KDM4C: variants seen among roughly 807,000 people sequenced by gnomAD.
KDM4C encodes lysine-specific demethylase 4C.
Under a neutral mutation model 129.3 loss-of-function variants are expected in KDM4C, and 81 were observed. That is an observed-to-expected ratio of 0.63 (90% CI 0.52 to 0.75). The LOEUF (loss-of-function observed/expected upper bound fraction) is 0.75, where lower values mean the gene tolerates loss of function less well. Among genes scored for constraint, KDM4C ranks in the 30% least tolerant of loss-of-function variants. The probability of loss-of-function intolerance (pLI) is 0.00; values close to 1 mark genes in which losing one functional copy is unlikely to be tolerated. For missense variants in KDM4C, 1,457 were observed against 1,304.0 expected (o/e 1.12, Z -1.81); for synonymous variants, 573 against 456.1 (o/e 1.26, Z -3.26).
intron 8 of KDM4C, chr9:6,924,618 A>T (rs936639010): frequency 1.1e-5 from 4 of 365,194 alleles, no homozygotes; most frequent in African/African-American, 4.4e-5. Flanking sequence ...GCCCACGCCA[A>T]TTCAGTCCCT....
chr9:6,883,907 C>T (rs1322919293), intron 6 of KDM4C, among the ~76,000 whole-genome samples: 1 of 151,994 alleles, frequency 6.6e-6, no homozygotes, highest in African/African-American at 2.4e-5. Flanking sequence ...ATTAAGTGGT[C>T]TCAGGAATGC....
At chr9:7,003,684 T>G (rs1821141750) in intron 12 of KDM4C, among the ~76,000 whole-genome samples, 1 of 152,342 alleles carries the variant, frequency 6.6e-6, no homozygotes, top group East Asian at 1.9e-4. Context: ...ATGCAGAATT[T>G]GATTTTTCCT....
intron 8 of KDM4C, among the ~76,000 whole-genome samples, chr9:6,953,213 T>C (rs1828491438): frequency 6.6e-6 from 1 of 152,232 alleles, no homozygotes; most frequent in African/African-American, 2.4e-5. Flanking sequence ...CATCTCCCTT[T>C]CACTCAAACA....
chr9:6,806,326 C>G (rs890116710), intron 3 of KDM4C, among the ~76,000 whole-genome samples: 9 of 151,950 alleles, frequency 5.9e-5, no homozygotes, highest in Non-Finnish European at 7.4e-5. Flanking sequence ...GAAACCTTGT[C>G]TCCACTAAAA....
chr9:6,806,605 C>T (rs541494130), intron 3 of KDM4C, among the ~76,000 whole-genome samples: 1 of 152,112 alleles, frequency 6.6e-6, no homozygotes, highest in South Asian at 2.1e-4. Context: ...TCAGATTCTG[C>T]CTCAGGGTCT....
At chr9:7,042,691 C>T (rs1403590062) in intron 15 of KDM4C, among the ~76,000 whole-genome samples, 1 of 152,054 alleles carries the variant, frequency 6.6e-6, no homozygotes, top group Non-Finnish European at 1.5e-5. Context: ...CTTCACAGGG[C>T]AGGCATTGCT....
intron 4 of KDM4C, among the ~76,000 whole-genome samples, chr9:6,847,985 G>C (rs1354308153): frequency 3.3e-5 from 5 of 152,198 alleles, no homozygotes; most frequent in African/African-American, 1.2e-4. Context: ...GTTAGAAGTG[G>C]TTGTATGTGA....
intron 3 of KDM4C, among the ~76,000 whole-genome samples, chr9:6,806,966 C>A (rs1237929367): frequency 4.0e-5 from 6 of 151,840 alleles, no homozygotes; most frequent in Admixed American, 2.6e-4. Flanking sequence ...CTGGACTGTA[C>A]TGCTGCCATC....
chr9:6,938,074 A>G (rs954893610), intron 8 of KDM4C, among the ~76,000 whole-genome samples: 1 of 152,198 alleles, frequency 6.6e-6, no homozygotes, highest in Non-Finnish European at 1.5e-5. Context: ...AATTGCTAAC[A>G]TATATCACAT....
chr9:6,770,134 G>T (rs1430933387), intron 1 of KDM4C, among the ~76,000 whole-genome samples: 1 of 151,688 alleles, frequency 6.6e-6, no homozygotes, highest in Non-Finnish European at 1.5e-5. Context: ...AGCTGAGATT[G>T]TGCCATTGCA....
At chr9:6,999,300 A>G (rs557218073) in intron 12 of KDM4C, among the ~76,000 whole-genome samples, 1 of 152,372 alleles carries the variant, frequency 6.6e-6, no homozygotes, top group East Asian at 1.9e-4. Flanking sequence ...TGTTGACCAA[A>G]TATAATGATG....
At chr9:7,137,642 G>A (rs1045232286) in intron 19 of KDM4C, among the ~76,000 whole-genome samples, 3 of 152,220 alleles carry the variant, frequency 2.0e-5, no homozygotes. Flanking sequence ...CTTTCCTGTA[G>A]CGCATTTGTA....
At chr9:6,865,275 TG>T (rs1841747067) in intron 5 of KDM4C, among the ~76,000 whole-genome samples, 1 of 152,202 alleles carries the variant, frequency 6.6e-6, no homozygotes, top group Non-Finnish European at 1.5e-5. Context: ...CCCAAAGTTT[TG>T]GGATTACAAG....
intron 5 of KDM4C, among the ~76,000 whole-genome samples, chr9:6,876,587 C>T (rs758835043): frequency 1.3e-5 from 2 of 152,178 alleles, no homozygotes; most frequent in East Asian, 3.8e-4. Context: ...TCTCTCTTCT[C>T]ATGGCATGCT....
At chr9:7,022,315 C>G (rs1218174708) in intron 15 of KDM4C, among the ~76,000 whole-genome samples, 2 of 151,796 alleles carry the variant, frequency 1.3e-5, no homozygotes, top group South Asian at 2.1e-4. Context: ...TTTTTGTTTC[C>G]TCTTCAATTT....
chr9:6,997,466 A>G (rs1454529534), intron 12 of KDM4C, among the ~76,000 whole-genome samples: 2 of 152,228 alleles, frequency 1.3e-5, no homozygotes, highest in Non-Finnish European at 2.9e-5. Flanking sequence ...ATGATAGAAG[A>G]GAAAGTTATT....
rs187566473 is a variant in KDM4C, at chr9:6,733,822, T to G, written c.49+12825T>G. On this transcript the variant is annotated intron_variant, in intron 1 of 17. Coordinates refer to the KDM4C transcript ENST00000536108. Reference sequence around the variant, plus strand: ...ATGGTATGCTAAACAAGGGGTGTATTATTCATGCCTCCCCTTTTTAGACCA... The same window carrying G: ...ATGGTATGCTAAACAAGGGGTGTATGATTCATGCCTCCCCTTTTTAGACCA... Among the ~76,000 whole-genome samples the G allele has an allele frequency of 1.8e-3, 273 of 152,324 alleles. 1 individual carries two copies. The highest frequency in any genetic ancestry group is 6.3e-3 in the African/African-American group (262 of 41,566).
At chr9:6,878,586 G>A (rs1843939311) in intron 5 of KDM4C, among the ~76,000 whole-genome samples, 1 of 152,128 alleles carries the variant, frequency 6.6e-6, no homozygotes, top group African/African-American at 2.4e-5. Flanking sequence ...CTGCAGATAA[G>A]GATAGCTAAA....
Position 6,758,317 on chromosome 9 carries a change from C to A in KDM4C, c.-18+114C>A. The A allele has an allele frequency of 1.7e-6, 1 of 580,990 alleles. No individual in the cohort carries two copies. Among genetic ancestry groups the A allele is most frequent in the Non-Finnish European group, 2.2e-6 (1 of 460,430 alleles). The allele number at this position is 580,990 out of a possible 1,614,324, so 36.0% of individuals were successfully genotyped here. On this transcript the variant is annotated intron_variant, in intron 1 of 21. Coordinates refer to ENST00000381309, the MANE Select transcript of KDM4C (RefSeq NM_015061.6). This position sits in a 1 kb window ranked among gnomAD's most constrained non-coding sequence, Gnocchi z 4.6. ...GGGGTGCGGGCGTCCGGGCGAGCGGCGACGCTGGGGCAGAGACGCTCCGTC... is the reference window on the plus strand; with the variant it reads ...GGGGTGCGGGCGTCCGGGCGAGCGGAGACGCTGGGGCAGAGACGCTCCGTC...
Sources: allele counts gnomAD v4.1 joint callset (sites outside exome capture counted in the v4.1 genomes callset), GRCh38; gene constraint gnomAD v4.1.1; non-coding constraint Gnocchi (gnomAD v3.1); transcripts MANE v1.5; gene names NCBI Gene and HGNC (gene_info 2026-07-23, HGNC 2026-07-21).